The following MARCHF1 variants were observed in gnomAD, a reference collection of about 807,000 sequenced individuals.
MARCHF1 encodes E3 ubiquitin-protein ligase MARCHF1.
In MARCHF1, 40 loss-of-function variants were observed where a neutral mutation model predicts 54.2. The ratio of observed to expected loss-of-function variants is 0.74; its 90% CI spans 0.57 to 0.96. The LOEUF is 0.96. Among genes scored for constraint, MARCHF1 ranks in the 40% least tolerant of loss-of-function variants. The pLI, the probability that MARCHF1 is intolerant of heterozygous loss-of-function variation, is 0.00. For synonymous variants in MARCHF1, 236 were observed against 236.3 expected, an observed-to-expected ratio of 1.00 and a Z score of 0.01; for missense variants, 586 against 656.5, an observed-to-expected ratio of 0.89 and a Z score of 1.17.
At chr4:163,874,345 G>A (rs567939205) in intron 3 of MARCHF1, among the ~76,000 whole-genome samples, 1 of 152,306 alleles carries the variant, frequency 6.6e-6, no homozygotes, top group South Asian at 2.1e-4. Context: ...GTAAAATCAA[G>A]TTTGGTAGTT....
At chr4:163,618,939 GAA>G (rs1741595149) in intron 5 of MARCHF1, among the ~76,000 whole-genome samples, 1 of 57,006 alleles carries the variant, frequency 1.8e-5, no homozygotes, top group Admixed American at 2.2e-4. Flanking sequence ...GCTTCCCAGA[GAA>G]GGAGACGCCT....
chr4:164,096,508 C>T (rs1755415683), intron 2 of MARCHF1, among the ~76,000 whole-genome samples: 1 of 151,880 alleles, frequency 6.6e-6, no homozygotes, highest in African/African-American at 2.4e-5. Context: ...TAAGCCCAAA[C>T]CTCAGCACTA....
At chr4:164,042,431 G>C (rs1754148633) in intron 2 of MARCHF1, among the ~76,000 whole-genome samples, 1 of 152,208 alleles carries the variant, frequency 6.6e-6, no homozygotes, top group South Asian at 2.1e-4. Context: ...AAGGGAGAGA[G>C]AGCAAAGAGG....
At chr4:163,804,590 T>C (rs1748174483) in intron 4 of MARCHF1, among the ~76,000 whole-genome samples, 1 of 152,204 alleles carries the variant, frequency 6.6e-6, no homozygotes, top group African/African-American at 2.4e-5. Flanking sequence ...ATCACCAGAC[T>C]AAATCAATGT....
chr4:164,179,188 T>C (rs890543367), intron 1 of MARCHF1, among the ~76,000 whole-genome samples: 13 of 152,154 alleles, frequency 8.5e-5, no homozygotes, highest in African/African-American at 2.2e-4. Context: ...GGTGATGAGA[T>C]AGAGGGAGAT....
chr4:164,018,628 C>T (rs765253586), intron 2 of MARCHF1, among the ~76,000 whole-genome samples: 10 of 151,854 alleles, frequency 6.6e-5, no homozygotes, highest in Admixed American at 1.3e-4. Flanking sequence ...CCATAGATAC[C>T]ACTACATAAC....
At chr4:164,164,764 G>A (rs2110953682) in intron 1 of MARCHF1, among the ~76,000 whole-genome samples, 1 of 152,076 alleles carries the variant, frequency 6.6e-6, no homozygotes, top group East Asian at 1.9e-4. Flanking sequence ...ATGAACATGA[G>A]TTTGAATAAC....
intron 5 of MARCHF1, among the ~76,000 whole-genome samples, chr4:163,665,526 T>TA (rs1351036548): frequency 6.6e-6 from 1 of 152,148 alleles, no homozygotes; most frequent in East Asian, 1.9e-4. Flanking sequence ...TTACTTTTGT[T>TA]ACAACAATTT....
chr4:163,531,550 CCTT>C (rs1353834460), intron 9 of MARCHF1, among the ~76,000 whole-genome samples: 1 of 151,838 alleles, frequency 6.6e-6, no homozygotes, highest in African/African-American at 2.4e-5. Context: ...CAAGGATGTT[CCTT>C]CTTACCATGC....
chr4:163,991,183 G>T (rs1272963155), intron 2 of MARCHF1, among the ~76,000 whole-genome samples: 1 of 152,104 alleles, frequency 6.6e-6, no homozygotes, highest in Non-Finnish European at 1.5e-5. Context: ...GAAGAGGTTT[G>T]TTATATCTTT....
chr4:163,827,616 A>G (rs1442655210), intron 4 of MARCHF1, among the ~76,000 whole-genome samples: 1 of 152,176 alleles, frequency 6.6e-6, no homozygotes, highest in Non-Finnish European at 1.5e-5. Flanking sequence ...TGCCTGTCAC[A>G]TGGTTAGCAT....
intron 2 of MARCHF1, among the ~76,000 whole-genome samples, chr4:163,998,539 A>G (rs911926254): frequency 6.6e-6 from 1 of 151,772 alleles, no homozygotes; most frequent in Admixed American, 6.6e-5. Context: ...GCAATTTTCA[A>G]GAATACAACA....
intron 8 of MARCHF1, 168 bp downstream of exon 8, chr4:163,585,581 T>A: frequency 2.2e-6 from 1 of 454,070 alleles, no homozygotes; most frequent in Non-Finnish European, 3.9e-6. Context: ...AAGGAAGGAT[T>A]ATCTGCAAAC....
intron 1 of MARCHF1, chr4:164,189,721 TC>T (rs1731073220): frequency 1.8e-6 from 2 of 1,114,262 alleles, no homozygotes; most frequent in Non-Finnish European, 2.8e-6. Context: ...GAAGTCCATA[TC>T]TTTTCTATAG....
chr4:163,778,057 G>C (rs1022840476), intron 4 of MARCHF1, among the ~76,000 whole-genome samples: 4 of 152,102 alleles, frequency 2.6e-5, no homozygotes, highest in African/African-American at 4.8e-5. Flanking sequence ...AATTAACGTA[G>C]TATTTTTGAG....
intron 1 of MARCHF1, among the ~76,000 whole-genome samples, chr4:164,273,872 A>G (rs1733804061): frequency 6.6e-6 from 1 of 152,180 alleles, no homozygotes; most frequent in Non-Finnish European, 1.5e-5. Flanking sequence ...GTACCATAAT[A>G]AGAAAAAAAA....
intron 5 of MARCHF1, among the ~76,000 whole-genome samples, chr4:163,616,900 C>T (rs1220689234): frequency 1.3e-5 from 2 of 152,074 alleles, no homozygotes; most frequent in African/African-American, 2.4e-5. Flanking sequence ...AGCAATCCCA[C>T]TATACTGGGT....
rs1039281038 is a variant in MARCHF1 at position 164,344,884 on chromosome 4, G to T, written c.-323+38986C>A. Among the ~76,000 whole-genome samples the T allele has an allele frequency of 5.2e-4, 79 of 152,216 alleles. 1 individual carries two copies. Among genetic ancestry groups the T allele is most frequent in the African/African-American group, 1.8e-3 (74 of 41,550 alleles). ...AGACTAAAGAAGTCCTTTGCTCTTT[G>T]TATCTAAAAAGTCTTGTTCTTCATA... On this transcript the variant is annotated intron_variant, in intron 1 of 9. Coordinates refer to ENST00000514618, the MANE Select transcript of MARCHF1 (RefSeq NM_001394959.1).
chr4:164,262,573 A>C (rs1404807109), intron 1 of MARCHF1, among the ~76,000 whole-genome samples: 1 of 152,186 alleles, frequency 6.6e-6, no homozygotes, highest in Non-Finnish European at 1.5e-5. Context: ...ATTCAGAATT[A>C]CTCAAGTCTT....
Sources: allele counts gnomAD v4.1 joint callset (sites outside exome capture counted in the v4.1 genomes callset), GRCh38; gene constraint gnomAD v4.1.1; transcripts MANE v1.5; gene names NCBI Gene and HGNC (gene_info 2026-07-23, HGNC 2026-07-21).